HEG1: variants seen among roughly 807,000 people sequenced by gnomAD.
HEG1 encodes the protein protein HEG homolog 1.
In HEG1, 56 loss-of-function variants were observed where a neutral mutation model predicts 125.6. The ratio of observed to expected loss-of-function variants is 0.45; its 90% CI spans 0.36 to 0.56. The LOEUF is 0.56. Ranked by LOEUF, HEG1 falls within the 20% of genes least tolerant of loss-of-function variation. The probability of loss-of-function intolerance (pLI) is 0.00; values close to 1 mark genes in which losing one functional copy is unlikely to be tolerated. For synonymous variants in HEG1, 644 were observed against 668.5 expected (o/e 0.96, Z 0.57); for missense variants, 1,523 against 1,670.0 (o/e 0.91, Z 1.53).
At chr3:125,014,902 T>G in intron 5 of HEG1, 1 of 1,289,860 alleles carries the variant, frequency 7.8e-7, no homozygotes, top group Non-Finnish European at 1.0e-6. Flanking sequence ...CCGTTTCCAG[T>G]GACAGTAGCC....
chr3:125,000,894 T>C (rs1408791136), intron 11 of HEG1, among the ~76,000 whole-genome samples: 7 of 152,228 alleles, frequency 4.6e-5, no homozygotes, highest in Admixed American at 4.6e-4. Context: ...TGTAGTAAAA[T>C]GAGCTAACTT....
chr3:124,998,105 A>T (rs750049275), intron 11 of HEG1, among the ~76,000 whole-genome samples: 3 of 152,296 alleles, frequency 2.0e-5, no homozygotes, highest in Non-Finnish European at 4.4e-5. Flanking sequence ...CGAAATTGGA[A>T]TAAACAGGCC....
Position 125,019,557 on chromosome 3 carries a change from T to G in HEG1, c.1293A>C (p.Gln431His). The part of the protein sequence containing the change: ...EHQLASSSEV[Q>H]NGSPMSQTET... ...CAGTCTGAGACATGGGACTTCCATT[T>G]TGCACCTCAGAGCTGCTGGCAAGCT... The change falls in exon 5 of 17, where the codon CAA (glutamine) becomes CAC (histidine). Residue 431 changes from glutamine to histidine, a missense_variant. Coordinates refer to ENST00000311127, the MANE Select transcript of HEG1 (RefSeq NM_020733.2). The G allele has an allele frequency of 1.2e-6, 2 of 1,611,090 alleles. No individual in the cohort carries two copies. Among genetic ancestry groups the G allele is most frequent in the East Asian group, 4.5e-5 (2 of 44,748 alleles).
At chr3:124,982,715 T>C (rs1936674902) in intron 14 of HEG1, among the ~76,000 whole-genome samples, 1 of 152,216 alleles carries the variant, frequency 6.6e-6, no homozygotes, top group Admixed American at 6.5e-5. Context: ...GACTATCTGC[T>C]TAGCCACCCC....
At chr3:125,015,616 T>C (rs1384839861) in intron 5 of HEG1, among the ~76,000 whole-genome samples, 2 of 152,318 alleles carry the variant, frequency 1.3e-5, no homozygotes, top group South Asian at 2.1e-4. Flanking sequence ...AGACGACACA[T>C]GAATAAATGT....
intron 1 of HEG1, among the ~76,000 whole-genome samples, chr3:125,054,272 A>G (rs1381713779): frequency 6.6e-6 from 1 of 152,252 alleles, no homozygotes; most frequent in East Asian, 1.9e-4. Context: ...CGTCTTCAGA[A>G]GCTTATCTCT....
At chr3:124,999,143 C>G (rs1936966159) in intron 11 of HEG1, among the ~76,000 whole-genome samples, 1 of 152,206 alleles carries the variant, frequency 6.6e-6, no homozygotes, top group South Asian at 2.1e-4. Flanking sequence ...GACCGGTAGA[C>G]AGCCTGGTCA....
In HEG1 at chr3:124,970,579, C is replaced by A; in HGVS notation, c.*73G>T. On this transcript the variant is annotated 3_prime_UTR_variant, in exon 17 of 17. Transcript: ENST00000311127. ...GCTCCCGACAAATCCTGGGCGCAGC[C>A]TCCTGGTGCGGTCCTCTGAGCAGAG... 1 of 1,409,122 alleles carries A rather than the reference C, an allele frequency of 7.1e-7. No homozygotes were observed. The highest frequency in any genetic ancestry group is 9.7e-7 in the Non-Finnish European group (1 of 1,029,744). The allele number at this position is 1,409,122 out of a possible 1,614,324, so 87.3% of individuals were successfully genotyped here.
intron 12 of HEG1, among the ~76,000 whole-genome samples, chr3:124,993,559 C>A (rs527901441): frequency 6.6e-6 from 1 of 152,240 alleles, no homozygotes; most frequent in South Asian, 2.1e-4. Flanking sequence ...GGGAAGCTAC[C>A]CTGGATGATC....
intron 3 of HEG1, among the ~76,000 whole-genome samples, chr3:125,023,051 G>A (rs143630249): frequency 0.01 from 1,569 of 152,166 alleles, 21 homozygotes; most frequent in African/African-American, 0.034. Context: ...AAAATTAGCC[G>A]GCTGTGGTGG....
intron 1 of HEG1, among the ~76,000 whole-genome samples, chr3:125,049,606 C>T (rs916968300): frequency 1.3e-5 from 2 of 152,206 alleles, no homozygotes; most frequent in East Asian, 1.9e-4. Flanking sequence ...AAGCAAAGAG[C>T]TCCTCTCCAT....
chr3:125,033,728 CG>C (rs1374764438), intron 1 of HEG1, among the ~76,000 whole-genome samples: 5 of 152,142 alleles, frequency 3.3e-5, no homozygotes, highest in African/African-American at 1.2e-4. Context: ...GGACTGGTAG[CG>C]GTCCGCGGGC....
intron 1 of HEG1, among the ~76,000 whole-genome samples, chr3:125,047,743 A>G (rs1208720299): frequency 6.6e-6 from 1 of 152,138 alleles, no homozygotes; most frequent in African/African-American, 2.4e-5. Flanking sequence ...ACATATGATA[A>G]TCACTAGTCA....
chr3:125,004,265 T>C (rs1937039598), intron 9 of HEG1, among the ~76,000 whole-genome samples: 1 of 152,220 alleles, frequency 6.6e-6, no homozygotes, highest in African/African-American at 2.4e-5. Context: ...ATACTAACTC[T>C]TATCCACAAA....
At chr3:125,027,006 A>G (rs566958643) in intron 3 of HEG1, among the ~76,000 whole-genome samples, 199 bp downstream of exon 3, 7 of 152,266 alleles carry the variant, frequency 4.6e-5, no homozygotes, top group East Asian at 1.9e-4. Flanking sequence ...TATGTTAAAC[A>G]TGAGGCTCAA....
intron 14 of HEG1, among the ~76,000 whole-genome samples, chr3:124,984,776 C>A (rs1444722073): frequency 6.6e-6 from 1 of 151,424 alleles, no homozygotes; most frequent in Non-Finnish European, 1.5e-5. Context: ...AACCAAAAAA[C>A]AAAAAAACAA....
intron 1 of HEG1, 117 bp downstream of exon 1, chr3:125,055,458 G>A: frequency 1.5e-6 from 1 of 647,392 alleles, no homozygotes; most frequent in Non-Finnish European, 2.1e-6. Context: ...GCCGGGCGAG[G>A]AGCCCCCACC....
chr3:125,055,390 G>A (rs1487256099), intron 1 of HEG1, among the ~76,000 whole-genome samples, 185 bp downstream of exon 1: 1 of 152,154 alleles, frequency 6.6e-6, no homozygotes, highest in Non-Finnish European at 1.5e-5. Context: ...ACACCCCTCA[G>A]TCCAGCCAAC....
At chr3:124,987,967 A>ATATATATATATATATATATATATT (rs1936770692) in intron 14 of HEG1, among the ~76,000 whole-genome samples, 1 of 141,592 alleles carries the variant, frequency 7.1e-6, no homozygotes, top group African/African-American at 2.5e-5. Flanking sequence ...ATATATATAT[A>ATATATATATATATATATATATATT]TATATATACC....
Sources: allele counts gnomAD v4.1 joint callset (sites outside exome capture counted in the v4.1 genomes callset), GRCh38; gene constraint gnomAD v4.1.1; transcripts MANE v1.5; gene names NCBI Gene and HGNC (gene_info 2026-07-23, HGNC 2026-07-21).